DNAH9: variants seen among roughly 807,000 people sequenced by gnomAD.
The protein encoded by DNAH9 is dynein axonemal heavy chain 9.
Under a neutral mutation model 471.6 loss-of-function variants are expected in DNAH9, and 345 were observed. The ratio of observed to expected loss-of-function variants is 0.73; its 90% CI spans 0.67 to 0.80. The LOEUF is 0.80. Among genes scored for constraint, DNAH9 ranks in the 30% least tolerant of loss-of-function variants. The pLI is 0.00. For synonymous variants in DNAH9, 2,093 were observed against 2,123.6 expected, an observed-to-expected ratio of 0.99 and a Z score of 0.40; for missense variants, 5,407 against 5,609.2, an observed-to-expected ratio of 0.96 and a Z score of 1.15.
Position 11,822,882 on chromosome 17 carries a change from A to G in DNAH9, c.9094A>G (p.Asn3032Asp). 1 of 1,614,250 alleles carries G rather than the reference A, an allele frequency of 6.2e-7. No homozygotes were observed. Among genetic ancestry groups the G allele is most frequent in the Middle Eastern group, 1.6e-4 (1 of 6,062 alleles). The change falls in exon 48 of 69, where the codon AAT (asparagine) becomes GAT (aspartate). Residue 3032 changes from asparagine to aspartate, a missense_variant. Asn to Asp is a conservative substitution (Grantham distance 23, BLOSUM62 1). Around this residue, in one of 3 missense-constraint regions of DNAH9, gnomAD observed 4,636 missense variants for 4,900.3 expected, o/e 0.95. Coordinates refer to ENST00000262442, the MANE Select transcript of DNAH9 (RefSeq NM_001372.4). Reference protein sequence around the residue: ...VNQTSQSYLSNEQRYNYTTPK... With the variant: ...VNQTSQSYLSDEQRYNYTTPK... ...CCAAACATCCCAGTCTTATCTGAGC[A>G]ATGAACAGCGCTACAACTATACAAC...
intron 4 of DNAH9, among the ~76,000 whole-genome samples, chr17:11,616,766 T>C (rs544866015): frequency 3.3e-5 from 5 of 152,206 alleles, no homozygotes; most frequent in Non-Finnish European, 7.3e-5. Flanking sequence ...ATGTGCTCAC[T>C]CATAGGTGGG....
intron 27 of DNAH9, among the ~76,000 whole-genome samples, chr17:11,719,940 C>T (rs2075025227): frequency 6.6e-6 from 1 of 152,134 alleles, no homozygotes; most frequent in South Asian, 2.1e-4. Context: ...AGTGGACATT[C>T]CCCAGAATAT....
In DNAH9 at chr17:11,902,897, T is replaced by G. The variant is rs370289838; in HGVS notation, c.11585T>G (p.Met3862Arg). The change falls in exon 60 of 69, where the codon ATG becomes AGG. Residue 3862 changes from methionine (M) to arginine (R), a missense_variant. Physicochemically the swap from Met to Arg is moderately conservative, Grantham distance 91. Transcript: ENST00000262442. Reference sequence around the variant, plus strand: ...CTGAGAGCCATGCGGCCCGACCGGATGACCTATGCTTTGCGGTAGGAAACA... The same window carrying G: ...CTGAGAGCCATGCGGCCCGACCGGAGGACCTATGCTTTGCGGTAGGAAACA... ...CMLRAMRPDR[M>R]TYALRDFVEE... 6.2e-7 allele frequency: 1 copy of G among 1,613,268 alleles called. No individual in the cohort carries two copies. Among genetic ancestry groups the G allele is most frequent in the Non-Finnish European group, 8.5e-7 (1 of 1,179,736 alleles).
chr17:11,754,128 G>A (rs1967276033), intron 33 of DNAH9, among the ~76,000 whole-genome samples: 1 of 120,940 alleles, frequency 8.3e-6, no homozygotes. Context: ...CTCCATTCAT[G>A]TTCCCAAAAA....
chr17:11,783,507 C>T, intron 39 of DNAH9, 139 bp from the exon 40 acceptor site: 1 of 575,276 alleles, frequency 1.7e-6, no homozygotes, highest in Non-Finnish European at 3.1e-6. Context: ...CTTATCTCTT[C>T]TCAATCCCTG....
intron 1 of DNAH9, among the ~76,000 whole-genome samples, chr17:11,601,902 G>C (rs1408173302): frequency 6.6e-6 from 1 of 152,172 alleles, no homozygotes; most frequent in African/African-American, 2.4e-5. Context: ...GGGTAGGATT[G>C]AGGGTGTTGG....
At chr17:11,923,029 AT>A (rs1349062525) in intron 61 of DNAH9, among the ~76,000 whole-genome samples, 3 of 150,312 alleles carry the variant, frequency 2.0e-5, no homozygotes, top group East Asian at 4.0e-4. Flanking sequence ...GAGTGAAGTG[AT>A]TTTGGTCTGA....
chr17:11,724,832 C>T (rs540646462), intron 27 of DNAH9, among the ~76,000 whole-genome samples: 30 of 152,258 alleles, frequency 2.0e-4, no homozygotes, highest in African/African-American at 6.3e-4. Flanking sequence ...CACTTTATTT[C>T]GATTATTATT....
Position 11,892,403 on chromosome 17 carries a change from A to C in DNAH9, c.11283+456A>C, listed in dbSNP as rs1219793929. Among the ~76,000 whole-genome samples, 1 of 152,212 alleles carries C rather than the reference A, an allele frequency of 6.6e-6. No individual in the cohort carries two copies. Among genetic ancestry groups the C allele is most frequent in the Non-Finnish European group, 1.5e-5 (1 of 68,038 alleles). ...GATAAGAAATTGCACAGGTCTTTCCACAACTGTAGCAGCCTTGACCTTAGA... is the reference window on the plus strand; with the variant it reads ...GATAAGAAATTGCACAGGTCTTTCCCCAACTGTAGCAGCCTTGACCTTAGA... On this transcript the variant is annotated intron_variant, in intron 58 of 68. Transcript: ENST00000262442. The surrounding 1 kb of genome is among the most constrained non-coding windows in gnomAD (Gnocchi z 4.3).
chr17:11,701,124 A>G lies in DNAH9; in HGVS notation c.5028A>G (p.Val1676=), dbSNP rs768577116. 5.0e-6 allele frequency: 8 copies of G among 1,614,018 alleles called. No homozygotes were observed. The East Asian group carries it at 1.8e-4, about 36-fold the overall frequency. Residue 1676 remains valine, a splice_region_variant and synonymous_variant, in exon 24 of 69, where the codon GTA becomes GTG. Coordinates refer to ENST00000262442, the MANE Select transcript of DNAH9 (RefSeq NM_001372.4). ...TCTAACCTGAGTTGTTCTTTCAGGT[A>G]GAAATATGGCTGAACCATGTCCTTG... ...FSEPCDCSGQ[V]EIWLNHVLGH...
chr17:11,600,623 C>T (rs958133008), intron 1 of DNAH9, among the ~76,000 whole-genome samples: 2 of 152,208 alleles, frequency 1.3e-5, no homozygotes, highest in East Asian at 3.9e-4. Flanking sequence ...AAATACTTTG[C>T]AACTATTAAA....
intron 59 of DNAH9, among the ~76,000 whole-genome samples, chr17:11,895,288 A>G (rs2151007114): frequency 6.6e-6 from 1 of 152,220 alleles, no homozygotes; most frequent in East Asian, 1.9e-4. Flanking sequence ...TCCAGAGTCC[A>G]GGCCTGCACT....
At chr17:11,869,348 G>A (rs901765631) in intron 51 of DNAH9, 95 bp downstream of exon 51, 57 of 1,485,560 alleles carry the variant, frequency 3.8e-5, no homozygotes, top group Admixed American at 3.2e-4. Context: ...GCACAGCAGC[G>A]CTTTGACTTG....
intron 36 of DNAH9, among the ~76,000 whole-genome samples, chr17:11,764,510 G>C (rs927095367): frequency 1.7e-4 from 26 of 151,908 alleles, no homozygotes; most frequent in African/African-American, 6.3e-4. Context: ...TGTACCCTTT[G>C]ACCTATACCT....
chr17:11,813,524 G>A (rs991252321), intron 45 of DNAH9, among the ~76,000 whole-genome samples: 2 of 152,270 alleles, frequency 1.3e-5, no homozygotes, highest in African/African-American at 4.8e-5. Flanking sequence ...TAACATAGTA[G>A]GGACTAGGAA....
chr17:11,923,327 G>A (rs1032592735), intron 61 of DNAH9, among the ~76,000 whole-genome samples: 3 of 151,792 alleles, frequency 2.0e-5, no homozygotes, highest in Non-Finnish European at 2.9e-5. Flanking sequence ...TCCACCTGCT[G>A]CCTCAGCCTC....
At chr17:11,621,376 C>G (rs1331086068) in intron 6 of DNAH9, among the ~76,000 whole-genome samples, 1 of 146,216 alleles carries the variant, frequency 6.8e-6, no homozygotes, top group Non-Finnish European at 1.5e-5. Flanking sequence ...CCATTGCACT[C>G]CAGCCTGGGA....
At position 11,694,383 on chromosome 17, in the gene DNAH9, G is replaced by A. The variant is rs761654782; in HGVS notation, c.4808G>A (p.Arg1603Gln). 3.7e-6 allele frequency: 6 copies of A among 1,613,442 alleles called. No individual in the cohort carries two copies. The highest frequency in any genetic ancestry group is 3.3e-5 in the Admixed American group (2 of 59,932). ...YLDTKRLAFP[R>Q]FYFLSSSDLL... ...GACACCAAGAGGCTTGCCTTCCCGC[G>A]GTTTTACTTTCTCTCCTCCTCCGAT... is the stretch of plus-strand genomic sequence containing the variant. Residue 1603 changes from arginine (R) to glutamine (Q), a missense_variant, in exon 22 of 69, where the codon CGG becomes CAG. By Grantham distance (43) the Arg-to-Gln change is conservative (BLOSUM62 1). Coordinates refer to ENST00000262442, the MANE Select transcript of DNAH9 (RefSeq NM_001372.4).
At chr17:11,716,470 C>T (rs969374061) in intron 26 of DNAH9, among the ~76,000 whole-genome samples, 3 of 152,072 alleles carry the variant, frequency 2.0e-5, no homozygotes, top group African/African-American at 7.2e-5. Flanking sequence ...CACTTTCCCT[C>T]CCTGAACCCC....
Sources: allele counts gnomAD v4.1 joint callset (sites outside exome capture counted in the v4.1 genomes callset), GRCh38; gene constraint gnomAD v4.1.1; regional missense constraint gnomAD v4.1.1; non-coding constraint Gnocchi (gnomAD v3.1); transcripts MANE v1.5; gene names NCBI Gene and HGNC (gene_info 2026-07-23, HGNC 2026-07-21).